The following BICC1 variants were observed in gnomAD, a reference collection of about 807,000 sequenced individuals.
BICC1 encodes protein bicaudal C homolog 1.
In BICC1, 43 loss-of-function variants were observed where a neutral mutation model predicts 111.0. That is an observed-to-expected ratio of 0.39 (90% CI 0.30 to 0.50). BICC1 has a LOEUF of 0.50. BICC1 is among the 20% of genes least tolerant of loss of function. The pLI is 0.88. For synonymous variants in BICC1, 467 were observed against 434.4 expected (o/e 1.07, Z -0.93); for missense variants, 1,091 against 1,203.2 (o/e 0.91, Z 1.38).
intron 1 of BICC1, among the ~76,000 whole-genome samples, chr10:58,591,117 T>C (rs1844602302): frequency 1.3e-5 from 2 of 152,192 alleles, no homozygotes; most frequent in South Asian, 2.1e-4. Context: ...CTTAGCATCA[T>C]GTATTTGAAG....
chr10:58,769,425 T>TATATAA (rs1385104345), intron 3 of BICC1, among the ~76,000 whole-genome samples: 33 of 145,046 alleles, frequency 2.3e-4, no homozygotes, highest in African/African-American at 8.2e-4. Context: ...TATATATATA[T>TATATAA]AATCACAGTA....
At position 58,793,598 on chromosome 10, in the gene BICC1, C is replaced by A. The variant is rs757355369; in HGVS notation, c.1162C>A (p.Pro388Thr). The A allele has an allele frequency of 6.2e-7, 1 of 1,613,608 alleles. No individual in the cohort carries two copies. The highest frequency in any genetic ancestry group is 1.1e-5 in the South Asian group (1 of 90,954). ...TGTCTTCATCAGTATTAAACCAAAG[C>A]CCAAACAGCCAAGCAAGGTTGGTTC... The part of the protein sequence containing the change: ...LDVFISIKPK[P>T]KQPSKSVIVK... The change falls in exon 9 of 21, where the codon CCC becomes ACC. Residue 388 changes from proline (P) to threonine (T), a missense_variant. Pro to Thr is a conservative substitution (Grantham distance 38, BLOSUM62 -1). Coordinates refer to ENST00000373886, the MANE Select transcript of BICC1 (RefSeq NM_001080512.3).
chr10:58,700,010 T>C (rs1002059607), intron 2 of BICC1, among the ~76,000 whole-genome samples: 1 of 152,206 alleles, frequency 6.6e-6, no homozygotes, highest in African/African-American at 2.4e-5. Context: ...CTATCTTATC[T>C]CTTTGAGAGT....
chr10:58,800,427 A>G, intron 13 of BICC1, 101 bp downstream of exon 13: 1 of 1,140,610 alleles, frequency 8.8e-7, no homozygotes, highest in Non-Finnish European at 1.2e-6. Context: ...TTTGCTAAAC[A>G]GCTATCATTC....
intron 3 of BICC1, among the ~76,000 whole-genome samples, chr10:58,763,217 G>A (rs1842366994): frequency 6.6e-6 from 1 of 151,930 alleles, no homozygotes; most frequent in Non-Finnish European, 1.5e-5. Flanking sequence ...AAAAATATAT[G>A]GTAGTTACTT....
intron 2 of BICC1, chr10:58,648,569 A>C: frequency 1.0e-6 from 1 of 984,964 alleles, no homozygotes; most frequent in Non-Finnish European, 1.2e-6. Flanking sequence ...GGAGGGAACA[A>C]TGGTATGTTT....
chr10:58,793,437 A>G (rs755266549), intron 8 of BICC1, 47 bp from the exon 9 acceptor site: 6 of 1,540,774 alleles, frequency 3.9e-6, no homozygotes, highest in Admixed American at 1.8e-5. Context: ...AGGTGTTTAA[A>G]TGATTAAATT....
At chr10:58,523,311 A>G (rs1842441669) in intron 1 of BICC1, among the ~76,000 whole-genome samples, 1 of 152,232 alleles carries the variant, frequency 6.6e-6, no homozygotes, top group Non-Finnish European at 1.5e-5. Context: ...TCAATAAAAT[A>G]CTGACAAACC....
intron 3 of BICC1, among the ~76,000 whole-genome samples, chr10:58,726,338 C>T (rs1841103934): frequency 6.6e-6 from 1 of 152,142 alleles, no homozygotes; most frequent in African/African-American, 2.4e-5. Context: ...TATAATTTAT[C>T]TCATTCTTCT....
chr10:58,720,107 A>C (rs1176027259), intron 3 of BICC1, among the ~76,000 whole-genome samples: 1 of 152,212 alleles, frequency 6.6e-6, no homozygotes, highest in Non-Finnish European at 1.5e-5. Flanking sequence ...CAAGATAATC[A>C]GTGAATTGTC....
At chr10:58,696,585 A>G (rs888888549) in intron 2 of BICC1, among the ~76,000 whole-genome samples, 5 of 152,228 alleles carry the variant, frequency 3.3e-5, no homozygotes, top group Non-Finnish European at 7.3e-5. Context: ...GGACTCCTCC[A>G]AAACCTCTTC....
At chr10:58,615,435 G>A (rs1163721961) in intron 1 of BICC1, among the ~76,000 whole-genome samples, 1 of 152,074 alleles carries the variant, frequency 6.6e-6, no homozygotes, top group East Asian at 1.9e-4. Flanking sequence ...ATGTAACCAC[G>A]CCACATGAGG....
At chr10:58,709,635 T>A (rs1466305879) in intron 3 of BICC1, among the ~76,000 whole-genome samples, 1 of 152,230 alleles carries the variant, frequency 6.6e-6, no homozygotes, top group Non-Finnish European at 1.5e-5. Flanking sequence ...TGTATATCCC[T>A]AAGGTGTGTC....
In BICC1 at chr10:58,693,814, C is replaced by G. The variant is rs1028014861; in HGVS notation, c.238-8260C>G. ...AATTTTCTCCCATTCTGTAGGTTGC[C>G]TGTTCACTCTGATGGTAGTTTCTTT... On this transcript the variant is annotated intron_variant, in intron 2 of 20. Coordinates refer to ENST00000373886, the MANE Select transcript of BICC1 (RefSeq NM_001080512.3). Among the ~76,000 whole-genome samples, 4 of 152,104 alleles carry G rather than the reference C, an allele frequency of 2.6e-5. No individual in the cohort carries two copies. The East Asian group carries it at 5.8e-4, about 22-fold the overall frequency.
intron 3 of BICC1, among the ~76,000 whole-genome samples, chr10:58,707,267 A>G (rs1443990918): frequency 1.3e-5 from 2 of 152,136 alleles, no homozygotes; most frequent in East Asian, 3.9e-4. Flanking sequence ...TCCAGAAGAA[A>G]ATGTTTTGTT....
intron 17 of BICC1, among the ~76,000 whole-genome samples, chr10:58,812,006 T>C (rs1843923043): frequency 6.6e-6 from 1 of 152,182 alleles, no homozygotes; most frequent in South Asian, 2.1e-4. Flanking sequence ...TGTCAGTTTA[T>C]GGTAAGGCAC....
At chr10:58,756,661 C>T (rs1842157365) in intron 3 of BICC1, among the ~76,000 whole-genome samples, 1 of 131,294 alleles carries the variant, frequency 7.6e-6, no homozygotes. Context: ...TTTTTTTTGC[C>T]AGAGTCTTCT....
intron 1 of BICC1, among the ~76,000 whole-genome samples, chr10:58,561,197 C>G (rs1843593999): frequency 6.6e-6 from 1 of 151,856 alleles, no homozygotes. Flanking sequence ...ATATTTAGAT[C>G]TATTAATTCA....
chr10:58,806,951 A>G, intron 16 of BICC1, 53 bp from the exon 17 acceptor site: 4 of 1,498,794 alleles, frequency 2.7e-6, no homozygotes, highest in South Asian at 1.3e-5. Context: ...TCAGTATTTT[A>G]TTGAAGAAAT....
Sources: allele counts gnomAD v4.1 joint callset (sites outside exome capture counted in the v4.1 genomes callset), GRCh38; gene constraint gnomAD v4.1.1; transcripts MANE v1.5; gene names NCBI Gene and HGNC (gene_info 2026-07-23, HGNC 2026-07-21).